Variants in GABRB2 observed in about 807,000 individuals in gnomAD.
The protein encoded by GABRB2 is gamma-aminobutyric acid type A receptor subunit beta2, also known as gamma-aminobutyric acid receptor subunit beta-2.
A neutral mutation model predicts 54.7 loss-of-function variants in GABRB2; 16 were observed. The observed-to-expected ratio is 0.29, with a 90% CI of 0.20 to 0.44. GABRB2 has a LOEUF of 0.44. GABRB2 is among the 20% of genes least tolerant of loss of function. GABRB2 has a pLI of 1.00. For missense variants in GABRB2, 355 were observed against 644.0 expected (o/e 0.55, Z 4.86); for synonymous variants, 244 against 233.8 (o/e 1.04, Z -0.40).
At chr5:161,546,227 T>C in intron 2 of GABRB2, 95 bp downstream of exon 2, 1 of 934,702 alleles carries the variant, frequency 1.1e-6, no homozygotes, top group Non-Finnish European at 1.7e-6. Flanking sequence ...GGACACCACA[T>C]GCACCCACAA....
At chr5:161,533,857 G>A (rs769759617) in intron 3 of GABRB2, among the ~76,000 whole-genome samples, 4 of 151,990 alleles carry the variant, frequency 2.6e-5, no homozygotes, top group Admixed American at 6.6e-5. Flanking sequence ...TGCAAATGTA[G>A]ACTATAATAC....
chr5:161,472,371 G>T (rs1027302726), intron 3 of GABRB2, among the ~76,000 whole-genome samples: 1 of 151,098 alleles, frequency 6.6e-6, no homozygotes, highest in African/African-American at 2.4e-5. Flanking sequence ...CCCATCCTTC[G>T]CCAACATTGC....
intron 5 of GABRB2, among the ~76,000 whole-genome samples, chr5:161,347,501 G>A (rs1454251887): frequency 6.6e-6 from 1 of 152,114 alleles, no homozygotes; most frequent in Middle Eastern, 3.2e-3. Flanking sequence ...AATGTGAGCT[G>A]CCCTTGCTAC....
intron 8 of GABRB2, chr5:161,330,392 TG>T (rs1429810508): frequency 1.9e-5 from 3 of 153,880 alleles, no homozygotes; most frequent in African/African-American, 7.2e-5. Context: ...GTAACACATC[TG>T]TATACTTGCT....
rs551420809 is a variant in GABRB2, at chr5:161,536,973, GACC to G, written c.237+8251_237+8253del. On this transcript the variant is annotated intron_variant, in intron 3 of 9. Coordinates refer to ENST00000393959, the MANE Select transcript of GABRB2 (RefSeq NM_001371727.1). ...CAAACTTCTCAAAAGTGTAGTCTTC[GACC>G]ACCGAAACTCCTCTTGCTACATTTC... 2.2e-4 allele frequency among the ~76,000 whole-genome samples: 33 copies of G among 151,832 alleles called. No homozygotes were observed. The South Asian group carries it at 5.0e-3, about 23-fold the overall frequency.
chr5:161,418,275 T>G (rs1756741128), intron 4 of GABRB2, among the ~76,000 whole-genome samples: 1 of 152,268 alleles, frequency 6.6e-6, no homozygotes, highest in Non-Finnish European at 1.5e-5. Flanking sequence ...ATTATTCTTC[T>G]TCTGTTGTTA....
chr5:161,545,123 T>C (rs1760937623), intron 3 of GABRB2, 104 bp downstream of exon 3: 4 of 694,176 alleles, frequency 5.8e-6, no homozygotes, highest in African/African-American at 1.9e-5. Flanking sequence ...CCCCACCTCA[T>C]ACACATAGCC....
intron 5 of GABRB2, among the ~76,000 whole-genome samples, chr5:161,406,946 A>G (rs573202572): frequency 6.6e-6 from 1 of 152,246 alleles, no homozygotes; most frequent in South Asian, 2.1e-4. Flanking sequence ...AGAAATCCAC[A>G]ATGTTGAAAA....
chr5:161,449,148 C>G (rs957884349), intron 4 of GABRB2, among the ~76,000 whole-genome samples: 1 of 152,144 alleles, frequency 6.6e-6, no homozygotes, highest in African/African-American at 2.4e-5. Flanking sequence ...ATGAAGATTG[C>G]ATTCTTTCAG....
intron 4 of GABRB2, among the ~76,000 whole-genome samples, chr5:161,411,300 G>C (rs1275777504): frequency 2.0e-5 from 3 of 152,146 alleles, no homozygotes; most frequent in Admixed American, 2.0e-4. Context: ...TAATCTGAGA[G>C]GGTTTCTTCA....
intron 9 of GABRB2, 110 bp downstream of exon 9, chr5:161,326,258 A>G: frequency 6.9e-7 from 1 of 1,450,952 alleles, no homozygotes; most frequent in Non-Finnish European, 9.3e-7. Flanking sequence ...CTCTGTGGAT[A>G]CATGTTCATA....
At chr5:161,483,338 T>G (rs1166456224) in intron 3 of GABRB2, among the ~76,000 whole-genome samples, 1 of 152,030 alleles carries the variant, frequency 6.6e-6, no homozygotes, top group Non-Finnish European at 1.5e-5. Flanking sequence ...CTTCTGCATA[T>G]TTCCAGGGAT....
chr5:161,439,800 C>T (rs1281982600), intron 4 of GABRB2, among the ~76,000 whole-genome samples: 1 of 151,586 alleles, frequency 6.6e-6, no homozygotes, highest in African/African-American at 2.4e-5. Context: ...TGGGGAACAA[C>T]ACACATGAGG....
At chr5:161,546,846 A>T, upstream of GABRB2, 2 of 1,114,710 alleles carry the variant, frequency 1.8e-6, no homozygotes, top group South Asian at 1.7e-5. Flanking sequence ...AAAAACATGT[A>T]TATGTATAAT....
At chr5:161,435,359 A>C (rs1402745191) in intron 4 of GABRB2, among the ~76,000 whole-genome samples, 1 of 152,200 alleles carries the variant, frequency 6.6e-6, no homozygotes, top group Non-Finnish European at 1.5e-5. Context: ...TATTCACCAC[A>C]TAATAAGTGA....
At chr5:161,547,432 G>C (rs933242903), upstream of GABRB2, among the ~76,000 whole-genome samples, 13 of 152,088 alleles carry the variant, frequency 8.5e-5, no homozygotes, top group African/African-American at 3.1e-4. Context: ...CAAAGAGCAA[G>C]CTTTTCTTCA....
intron 3 of GABRB2, among the ~76,000 whole-genome samples, chr5:161,465,356 A>C (rs922248021): frequency 9.9e-5 from 15 of 152,274 alleles, no homozygotes; most frequent in African/African-American, 3.1e-4. Flanking sequence ...CATAATGGTT[A>C]TAGGCTCTCT....
At chr5:161,446,005 C>T (rs1006391717) in intron 4 of GABRB2, among the ~76,000 whole-genome samples, 3 of 152,126 alleles carry the variant, frequency 2.0e-5, no homozygotes, top group African/African-American at 7.2e-5. Flanking sequence ...GATGATATTT[C>T]AATTCAAATG....
intron 3 of GABRB2, among the ~76,000 whole-genome samples, chr5:161,493,196 A>C (rs1436019811): frequency 6.6e-6 from 1 of 151,786 alleles, no homozygotes; most frequent in African/African-American, 2.4e-5. Flanking sequence ...GTACCTCTTT[A>C]TTATTCTAAT....
Sources: gnomAD v4.1 joint callset for allele counts (sites outside exome capture counted in the v4.1 genomes callset) on GRCh38, gnomAD v4.1.1 for gene constraint, MANE v1.5 for transcripts, NCBI Gene and HGNC (gene_info 2026-07-23, HGNC 2026-07-21) for gene names.